The following ETV1 variants were observed in gnomAD, a reference collection of about 807,000 sequenced individuals.
ETV1 encodes ETS variant transcription factor 1.
A neutral mutation model predicts 62.3 loss-of-function variants in ETV1; 27 were observed. That is an observed-to-expected ratio of 0.43 (90% CI 0.32 to 0.60). ETV1 has a LOEUF of 0.60. Ranked by LOEUF, ETV1 falls within the 20% of genes least tolerant of loss-of-function variation. The probability of loss-of-function intolerance (pLI) is 0.06; values close to 1 mark genes in which losing one functional copy is unlikely to be tolerated. For missense variants in ETV1, 605 were observed against 605.8 expected, an observed-to-expected ratio of 1.00 and a Z score of 0.01; for synonymous variants, 222 against 199.6, an observed-to-expected ratio of 1.11 and a Z score of -0.94.
intron 6 of ETV1, among the ~76,000 whole-genome samples, chr7:13,972,188 C>G (rs1780975139): frequency 6.6e-6 from 1 of 152,032 alleles, no homozygotes; most frequent in Non-Finnish European, 1.5e-5. Flanking sequence ...GCCTGCAATC[C>G]TAGCACTTCA....
At chr7:13,946,105 C>G (rs1334287314) in intron 6 of ETV1, among the ~76,000 whole-genome samples, 1 of 152,122 alleles carries the variant, frequency 6.6e-6, no homozygotes, top group Non-Finnish European at 1.5e-5. Context: ...AGTGAGTTGA[C>G]TCCTTCATTT....
intron 7 of ETV1, among the ~76,000 whole-genome samples, chr7:13,936,993 G>C (rs1028939103): frequency 6.6e-6 from 1 of 152,112 alleles, no homozygotes; most frequent in Non-Finnish European, 1.5e-5. Flanking sequence ...AGTGAGCCCA[G>C]ATTGTGCCAC....
intron 6 of ETV1, among the ~76,000 whole-genome samples, chr7:13,941,358 T>C (rs1787482184): frequency 6.6e-6 from 1 of 152,218 alleles, no homozygotes; most frequent in South Asian, 2.1e-4. Flanking sequence ...ATAAAATATT[T>C]ACAGATAAAA....
chr7:13,983,724 AC>A (rs397809476), intron 5 of ETV1, among the ~76,000 whole-genome samples: 8 of 151,116 alleles, frequency 5.3e-5, no homozygotes, highest in Non-Finnish European at 1.2e-4. Flanking sequence ...TAAAAAAAAA[AC>A]CTTTAAATTG....
chr7:13,955,928 A>C (rs1206446447), intron 6 of ETV1, among the ~76,000 whole-genome samples: 2 of 152,218 alleles, frequency 1.3e-5, no homozygotes, highest in African/African-American at 4.8e-5. Context: ...ACAGTATTTC[A>C]TAAGGAGTTT....
chr7:13,933,024 T>G (rs962543598), intron 8 of ETV1, among the ~76,000 whole-genome samples: 3 of 152,196 alleles, frequency 2.0e-5, no homozygotes, highest in Non-Finnish European at 1.5e-5. Flanking sequence ...GCAGAGCAGT[T>G]AGGCTGACTG....
chr7:13,990,051 G>C (rs897765953), upstream of ETV1: 2 of 153,788 alleles, frequency 1.3e-5, no homozygotes, highest in African/African-American at 4.8e-5. Flanking sequence ...TATACCCTTA[G>C]AGCCGCGATC....
At chr7:13,970,527 C>CA (rs1780795845) in intron 6 of ETV1, among the ~76,000 whole-genome samples, 1 of 151,856 alleles carries the variant, frequency 6.6e-6, no homozygotes, top group African/African-American at 2.4e-5. Context: ...GAAAACAAAC[C>CA]AAAAAACTCA....
At chr7:13,935,188 T>C (rs927831395) in intron 8 of ETV1, among the ~76,000 whole-genome samples, 2 of 152,194 alleles carry the variant, frequency 1.3e-5, no homozygotes, top group Admixed American at 1.3e-4. Context: ...ATATTCGCAG[T>C]GTCCAGAGTC....
In ETV1 at chr7:13,895,904, A is replaced by G. The variant is rs746160068; in HGVS notation, c.1396T>C (p.Cys466Arg). 6.2e-7 allele frequency: 1 copy of G among 1,613,720 alleles called. No individual in the cohort carries two copies. Among genetic ancestry groups the G allele is most frequent in the East Asian group, 2.2e-5 (1 of 44,882 alleles). ...SMAYMPEGGC[C>R]NPHPYNEGYV... ...CCTTCGTTGTAGGGGTGGGGGTTGC[A>G]GCAGCCCCCTTCCGGCATGTAGGCC... Residue 466 changes from cysteine (C) to arginine (R), a missense_variant, in exon 14 of 14, where the codon TGC (cysteine) becomes CGC (arginine). Coordinates refer to ENST00000430479, the MANE Select transcript of ETV1 (RefSeq NM_004956.5).
At chr7:13,935,986 T>G (rs931762790) in intron 7 of ETV1, 90 bp from the exon 8 acceptor site, 6 of 1,010,114 alleles carry the variant, frequency 5.9e-6, no homozygotes, top group African/African-American at 1.6e-5. Flanking sequence ...AAAGATATTT[T>G]AGACTTAAGT....
At chr7:13,965,945 T>C (rs1035243723) in intron 6 of ETV1, among the ~76,000 whole-genome samples, 5 of 152,180 alleles carry the variant, frequency 3.3e-5, no homozygotes, top group Admixed American at 2.0e-4. Flanking sequence ...CAGTATTCAA[T>C]GAATACCTCA....
intron 6 of ETV1, among the ~76,000 whole-genome samples, chr7:13,959,956 T>C (rs945532876): frequency 2.8e-5 from 4 of 142,196 alleles, no homozygotes; most frequent in African/African-American, 1.0e-4. Flanking sequence ...GAGCCATACA[T>C]AGATTATTTA....
rs1023242989 is a variant in ETV1, at chr7:13,918,120, C to G, written c.803-6813G>C. Among the ~76,000 whole-genome samples the G allele has an allele frequency of 2.0e-5, 3 of 152,118 alleles. No homozygotes were observed. The South Asian group carries it at 6.2e-4, about 32-fold the overall frequency. On this transcript the variant is annotated intron_variant, in intron 9 of 13. Transcript: ENST00000430479. Reference sequence around the variant, plus strand: ...ACTACATGATTTGAAAAAAAACATACCATGAACAGCTTTGTCCTCTTGTTT... The same window carrying G: ...ACTACATGATTTGAAAAAAAACATAGCATGAACAGCTTTGTCCTCTTGTTT...
chr7:13,928,450 A>T (rs1005348625), intron 9 of ETV1, among the ~76,000 whole-genome samples: 1 of 151,874 alleles, frequency 6.6e-6, no homozygotes, highest in African/African-American at 2.4e-5. Context: ...TCCTGTCTCT[A>T]CTAAAAATAC....
At chr7:13,966,005 C>A (rs1324951390) in intron 6 of ETV1, among the ~76,000 whole-genome samples, 1 of 151,990 alleles carries the variant, frequency 6.6e-6, no homozygotes, top group Non-Finnish European at 1.5e-5. Flanking sequence ...CTCTACAAGC[C>A]AATGAAAATA....
intron 12 of ETV1, among the ~76,000 whole-genome samples, chr7:13,904,671 C>T (rs1050303621): frequency 3.9e-5 from 6 of 151,932 alleles, no homozygotes; most frequent in African/African-American, 1.5e-4. Context: ...AGGGAAATAA[C>T]TGTTTAACTG....
At position 13,909,620 on chromosome 7, in the gene ETV1, T is replaced by A. The variant is rs772764784; in HGVS notation, c.940+12A>T. On this transcript the variant is annotated intron_variant, in intron 11 of 13. Transcript: ENST00000430479. ...AAAAAAATCAGAACTTGAGGCAAAGTGTAAAACCTACCATCGAATTTTTCT... is the reference window on the plus strand; with the variant it reads ...AAAAAAATCAGAACTTGAGGCAAAGAGTAAAACCTACCATCGAATTTTTCT... The A allele has an allele frequency of 1.2e-6, 2 of 1,607,906 alleles. No individual in the cohort carries two copies. Among genetic ancestry groups the A allele is most frequent in the African/African-American group, 2.7e-5 (2 of 74,776 alleles).
chr7:13,911,444 C>T (rs1362962732), intron 9 of ETV1, 137 bp from the exon 10 acceptor site: 1 of 608,362 alleles, frequency 1.6e-6, no homozygotes, highest in Non-Finnish European at 3.0e-6. Context: ...ATATAATCAA[C>T]ATTTCAGGCA....
Sources: gnomAD v4.1 joint callset for allele counts (sites outside exome capture counted in the v4.1 genomes callset) on GRCh38, gnomAD v4.1.1 for gene constraint, MANE v1.5 for transcripts, NCBI Gene and HGNC (gene_info 2026-07-23, HGNC 2026-07-21) for gene names.